Variants in CLEC5A observed in about 807,000 individuals in gnomAD.
CLEC5A encodes the protein C-type lectin domain containing 5A.
CLEC5A carries 15 observed loss-of-function variants against 24.4 expected under a neutral mutation model. The observed-to-expected ratio is 0.62, with a 90% confidence interval of 0.41 to 0.95. The LOEUF (loss-of-function observed/expected upper bound fraction) is 0.95. Ranked by LOEUF, CLEC5A falls within the 40% of genes least tolerant of loss-of-function variation. The pLI is 0.00. For synonymous variants in CLEC5A, 71 were observed against 72.6 expected (o/e 0.98, Z 0.11); for missense variants, 211 against 224.0 (o/e 0.94, Z 0.37).
rs1387561201 is a variant in CLEC5A at position 141,935,903 on chromosome 7, A to G, written c.256T>C (p.Ser86Pro). 6.2e-7 allele frequency: 1 copy of G among 1,613,152 alleles called. No homozygotes were observed. The highest frequency in any genetic ancestry group is 2.2e-5 in the East Asian group (1 of 44,882). The change falls in exon 5 of 7, where the codon TCC becomes CCC. Residue 86 changes from serine to proline, a missense_variant. Physicochemically the swap from Ser to Pro is moderately conservative, Grantham distance 74 (BLOSUM62 -1). Transcript: ENST00000546910. Reference protein sequence around the residue: ...EFYQARCFFLSTSESSWNESR... With the variant: ...EFYQARCFFLPTSESSWNESR... ...TCATTCCAAGATGATTCAGAAGTGG[A>G]TAAGAAAAAACATCTTGCTTGATAA...
Position 141,942,969 on chromosome 7 carries a change from T to C in CLEC5A, c.208+927A>G, listed in dbSNP as rs111333455. On this transcript the variant is annotated intron_variant, in intron 4 of 6. Coordinates refer to ENST00000546910, the MANE Select transcript of CLEC5A (RefSeq NM_013252.3). ...TTGGAGAAAAGAGAACCCTCATACATTGTTGGTGGGAATGTAAACTAGTAC... is the reference window on the plus strand; with the variant it reads ...TTGGAGAAAAGAGAACCCTCATACACTGTTGGTGGGAATGTAAACTAGTAC... 4.3e-3 allele frequency among the ~76,000 whole-genome samples: 658 copies of C among 152,250 alleles called. 5 individuals carry two copies. The highest frequency in any genetic ancestry group is 0.015 in the African/African-American group (632 of 41,560).
At position 141,935,954 on chromosome 7, in the gene CLEC5A, A is replaced by C; in HGVS notation, c.209-4T>G. The C allele has an allele frequency of 6.2e-7, 1 of 1,612,546 alleles. No homozygotes were observed. The highest frequency in any genetic ancestry group is 8.5e-7 in the Non-Finnish European group (1 of 1,178,590). ...AATTCCCAGTCTTTGGGGCAGACTG[A>C]AGAGGTCCAAGAAAGGAGAGTACGA... On this transcript the variant is annotated splice_region_variant and splice_polypyrimidine_tract_variant and intron_variant, in intron 4 of 6. Coordinates refer to ENST00000546910, the MANE Select transcript of CLEC5A (RefSeq NM_013252.3).
chr7:141,934,666 C>A (rs563614934), intron 5 of CLEC5A, among the ~76,000 whole-genome samples: 1 of 123,276 alleles, frequency 8.1e-6, no homozygotes, highest in Admixed American at 1.1e-4. Context: ...TGCTCTGTTG[C>A]CCAGGCTGGA....
rs1802943740 is a variant in CLEC5A at position 141,946,034 on chromosome 7, GGGCCACT to G, written c.79+173_79+179del. 2.6e-5 allele frequency: 16 copies of G among 622,024 alleles called. No homozygotes were observed. The South Asian group carries it at 3.3e-4, about 13-fold the overall frequency. The allele number at this position is 622,024 out of a possible 1,614,324, so 38.5% of individuals were successfully genotyped here. A position where few individuals can be genotyped will look rare whatever the true frequency, so the allele number is the denominator to read the frequency against. ...ATCTCCAAGGTAGACCAAGGAGCCT[GGGCCACT>G]GTGTGTGCTGGGGAGTGAGAAAGGC... is the stretch of plus-strand genomic sequence containing the variant. On this transcript the variant is annotated intron_variant, in intron 2 of 6. Transcript: ENST00000546910.
rs973474616 is a variant in CLEC5A, at chr7:141,933,243, A to G, written c.346-1417T>C. On this transcript the variant is annotated intron_variant, in intron 5 of 6. Coordinates refer to ENST00000546910, the MANE Select transcript of CLEC5A (RefSeq NM_013252.3). The stretch of plus-strand genomic sequence containing the variant: ...TTCTACATAGATCTGAAGTTTTTCT[A>G]GAATGATAGATGAGGTGATACCTGA... Among the ~76,000 whole-genome samples, 4 of 152,252 alleles carry G rather than the reference A, an allele frequency of 2.6e-5. No homozygotes were observed. The South Asian group carries it at 6.2e-4, about 24-fold the overall frequency.
At position 141,930,165 on chromosome 7, in the gene CLEC5A, G is replaced by A. The variant is rs782042447; in HGVS notation, c.506C>T (p.Thr169Ile). The A allele has an allele frequency of 1.9e-6, 3 of 1,614,186 alleles. No individual in the cohort carries two copies. In the South Asian group the frequency reaches 3.3e-5, roughly 18 times the overall value. The change falls in exon 7 of 7, where the codon ACA becomes ATA. Residue 169 changes from threonine to isoleucine, a missense_variant. Physicochemically the swap from Thr to Ile is moderately conservative, Grantham distance 89. Transcript: ENST00000546910. ...FNCATIGLTKTFDAASCDISY... is the reference protein window; with the variant it reads ...FNCATIGLTKIFDAASCDISY... ...GATGTCACATGATGCAGCATCAAAT[G>A]TCTTTGTTAGGCCAATGGTCGCACA...
chr7:141,927,920 T>G lies in CLEC5A; in HGVS notation c.*2184A>C, dbSNP rs1020796292. ...AATGTTATTTAATATGTGCAATAAT[T>G]TTTTGAGATAGGTATTACTACCCCA... On this transcript the variant is annotated 3_prime_UTR_variant, in exon 7 of 7. Transcript: ENST00000546910. The G allele has an allele frequency of 5.9e-5, 9 of 152,204 alleles. No individual in the cohort carries two copies. Among genetic ancestry groups the G allele is most frequent in the Non-Finnish European group, 5.9e-5 (4 of 68,022 alleles). The allele number at this position is 152,204 out of a possible 1,614,324, so 9.4% of individuals were successfully genotyped here.
intron 3 of CLEC5A, among the ~76,000 whole-genome samples, chr7:141,944,856 T>G (rs893814396): frequency 6.6e-6 from 1 of 152,216 alleles, no homozygotes; most frequent in Non-Finnish European, 1.5e-5. Flanking sequence ...AAGGACTCAA[T>G]ACATATTTTA....
intron 5 of CLEC5A, among the ~76,000 whole-genome samples, chr7:141,934,487 T>C (rs1802555814): frequency 6.6e-6 from 1 of 151,978 alleles, no homozygotes; most frequent in South Asian, 2.1e-4. Flanking sequence ...AGTGAGTTTG[T>C]GGGCCTCTTG....
intron 4 of CLEC5A, among the ~76,000 whole-genome samples, chr7:141,941,067 A>C (rs1802782435): frequency 6.6e-6 from 1 of 152,102 alleles, no homozygotes; most frequent in Non-Finnish European, 1.5e-5. Flanking sequence ...GAATACTTCG[A>C]AATTTATTCT....
At chr7:141,936,086 A>G in intron 4 of CLEC5A, 136 bp from the exon 5 acceptor site, 1 of 736,224 alleles carries the variant, frequency 1.4e-6, no homozygotes, top group South Asian at 1.6e-5. Context: ...TCCATCCAGG[A>G]AGAAATTCCA....
chr7:141,931,192 A>C (rs539906569), intron 6 of CLEC5A, among the ~76,000 whole-genome samples: 1 of 152,296 alleles, frequency 6.6e-6, no homozygotes, highest in East Asian at 1.9e-4. Flanking sequence ...CTTTGTAATA[A>C]AATGTGATCT....
chr7:141,929,302 A>T lies in CLEC5A; in HGVS notation c.*802T>A, dbSNP rs1021375527. 1 of 152,232 alleles carries T rather than the reference A, an allele frequency of 6.6e-6. No homozygotes were observed. Among genetic ancestry groups the T allele is most frequent in the Non-Finnish European group, 1.5e-5 (1 of 68,046 alleles). The allele number at this position is 152,232 out of a possible 1,614,324, so 9.4% of individuals were successfully genotyped here. On this transcript the variant is annotated 3_prime_UTR_variant, in exon 7 of 7. Coordinates refer to ENST00000546910, the MANE Select transcript of CLEC5A (RefSeq NM_013252.3). ...TCCAAAATTTTAAAAATACTCAACAAATACAGCCAGGTACTCAAAACCTTC... is the reference window on the plus strand; with the variant it reads ...TCCAAAATTTTAAAAATACTCAACATATACAGCCAGGTACTCAAAACCTTC...
At chr7:141,935,792 T>A (rs1802601119) in intron 5 of CLEC5A, 22 bp downstream of exon 5, 1 of 1,612,784 alleles carries the variant, frequency 6.2e-7, no homozygotes, top group Non-Finnish European at 8.5e-7. Flanking sequence ...GTGGCTTTAC[T>A]GTACCATTCC....
chr7:141,933,573 G>A (rs1451444804), intron 5 of CLEC5A, among the ~76,000 whole-genome samples: 2 of 74,954 alleles, frequency 2.7e-5, no homozygotes, highest in African/African-American at 6.5e-5. Flanking sequence ...TTAGGGAGCA[G>A]GCATATATAT....
chr7:141,934,668 C>G (rs1422873458), intron 5 of CLEC5A, among the ~76,000 whole-genome samples: 2 of 120,190 alleles, frequency 1.7e-5, no homozygotes, highest in African/African-American at 6.5e-5. Flanking sequence ...CTCTGTTGCC[C>G]AGGCTGGAGT....
intron 4 of CLEC5A, among the ~76,000 whole-genome samples, chr7:141,937,443 C>G (rs1802664233): frequency 6.6e-6 from 1 of 152,064 alleles, no homozygotes; most frequent in African/African-American, 2.4e-5. Flanking sequence ...CCTCTGCCTG[C>G]AGAAAGGGGA....
intron 4 of CLEC5A, chr7:141,936,218 C>T (rs1802619525): frequency 2.2e-6 from 1 of 448,648 alleles, no homozygotes; most frequent in Non-Finnish European, 4.0e-6. Context: ...ACTATCTACA[C>T]ACAAAAAAGC....
At position 141,929,742 on chromosome 7, in the gene CLEC5A, T is replaced by G. The variant is rs1802394101; in HGVS notation, c.*362A>C. 1 of 161,626 alleles carries G rather than the reference T, an allele frequency of 6.2e-6. No individual in the cohort carries two copies. The highest frequency in any genetic ancestry group is 2.4e-5 in the African/African-American group (1 of 41,688). 10.0% of individuals were successfully genotyped at this position (161,626 alleles called of 1,614,324 possible). ...GTTTATCCCTCTTCCACCATGGTAA[T>G]CCCTAAATAATGTTTATAATTTCTC... On this transcript the variant is annotated 3_prime_UTR_variant, in exon 7 of 7. Coordinates refer to ENST00000546910, the MANE Select transcript of CLEC5A (RefSeq NM_013252.3).
Sources: gnomAD v4.1 joint callset for allele counts (sites outside exome capture counted in the v4.1 genomes callset) on GRCh38, gnomAD v4.1.1 for gene constraint, MANE v1.5 for transcripts, NCBI Gene and HGNC (gene_info 2026-07-23, HGNC 2026-07-21) for gene names.